GRHL1: variants seen among roughly 807,000 people sequenced by gnomAD.
The protein encoded by GRHL1 is grainyhead-like protein 1 homolog.
In GRHL1, 38 loss-of-function variants were observed where a neutral mutation model predicts 75.7. That is an observed-to-expected ratio of 0.50 (90% CI 0.39 to 0.66). The LOEUF (loss-of-function observed/expected upper bound fraction) is 0.66, where lower values mean the gene tolerates loss of function less well. Among genes scored for constraint, GRHL1 ranks in the 30% least tolerant of loss-of-function variants. GRHL1 has a pLI of 0.00. For synonymous variants in GRHL1, 266 were observed against 279.4 expected (o/e 0.95, Z 0.48); for missense variants, 589 against 767.5 (o/e 0.77, Z 2.75).
At chr2:9,976,681 G>T (rs1003145288) in intron 8 of GRHL1, among the ~76,000 whole-genome samples, 6 of 152,134 alleles carry the variant, frequency 3.9e-5, no homozygotes, top group African/African-American at 2.4e-5. Flanking sequence ...TGGGGTTGAG[G>T]CCAGATAAAG....
At chr2:9,993,056 C>A in intron 11 of GRHL1, 151 bp from the exon 12 acceptor site, 1 of 700,154 alleles carries the variant, frequency 1.4e-6, no homozygotes, top group Non-Finnish European at 2.5e-6. Flanking sequence ...GAGTTCAAGA[C>A]ATCTGTAAGA....
chr2:9,989,056 G>A (rs907921861), intron 9 of GRHL1, among the ~76,000 whole-genome samples: 1 of 152,016 alleles, frequency 6.6e-6, no homozygotes, highest in African/African-American at 2.4e-5. Context: ...AGGAGATTGG[G>A]GATATTTACC....
intron 1 of GRHL1, among the ~76,000 whole-genome samples, chr2:9,953,856 T>C (rs73913930): frequency 0.19 from 28,670 of 152,210 alleles, 3,746 homozygotes; most frequent in African/African-American, 0.37. Context: ...CTTGTTAGAA[T>C]TGTAATAATT....
At chr2:9,979,647 T>TG (rs1668111674) in intron 8 of GRHL1, among the ~76,000 whole-genome samples, 1 of 151,978 alleles carries the variant, frequency 6.6e-6, no homozygotes, top group Admixed American at 6.5e-5. Flanking sequence ...AATTTCTCAG[T>TG]GGAAAAAAAA....
intron 5 of GRHL1, among the ~76,000 whole-genome samples, chr2:9,963,337 T>A (rs986094896): frequency 8.5e-5 from 13 of 152,230 alleles, no homozygotes; most frequent in Non-Finnish European, 1.8e-4. Flanking sequence ...GGCTATGTGC[T>A]AATAAAACTT....
intron 2 of GRHL1, among the ~76,000 whole-genome samples, chr2:9,957,419 T>C (rs1667078642): frequency 6.6e-6 from 1 of 152,066 alleles, no homozygotes; most frequent in Non-Finnish European, 1.5e-5. Context: ...CAGTATTTTT[T>C]TTTTTTTTGA....
At chr2:9,977,481 C>G (rs181347047) in intron 8 of GRHL1, among the ~76,000 whole-genome samples, 3 of 152,318 alleles carry the variant, frequency 2.0e-5, no homozygotes, top group Non-Finnish European at 4.4e-5. Flanking sequence ...CCACCTCACT[C>G]AGCTAAGTTT....
intron 8 of GRHL1, among the ~76,000 whole-genome samples, chr2:9,978,837 A>G (rs1184701903): frequency 6.6e-6 from 1 of 152,062 alleles, no homozygotes; most frequent in Non-Finnish European, 1.5e-5. Flanking sequence ...CTAAAAATAC[A>G]AAGATTAGCC....
At chr2:9,956,492 C>T (rs1260820150) in intron 2 of GRHL1, among the ~76,000 whole-genome samples, 1 of 151,736 alleles carries the variant, frequency 6.6e-6, no homozygotes, top group African/African-American at 2.4e-5. Context: ...TATCACTACA[C>T]TCCAGCCTGG....
rs562269659 is a variant in GRHL1, at chr2:9,987,161, C to T, written c.1269+879C>T. ...CACCTGGCTAATTTTTGTATAGAAACAGGGTTTCGCCAGGTTGGCCAGGCT... is the reference window on the plus strand; with the variant it reads ...CACCTGGCTAATTTTTGTATAGAAATAGGGTTTCGCCAGGTTGGCCAGGCT... On this transcript the variant is annotated intron_variant, in intron 9 of 15. Transcript: ENST00000324907. This position sits in a 1 kb window ranked among gnomAD's most constrained non-coding sequence, Gnocchi z 4.2. Among the ~76,000 whole-genome samples the T allele has an allele frequency of 4.6e-5, 7 of 152,094 alleles. No homozygotes were observed. Among genetic ancestry groups the T allele is most frequent in the Admixed American group, 2.6e-4 (4 of 15,272 alleles).
chr2:9,979,346 C>T (rs116308053), intron 8 of GRHL1, among the ~76,000 whole-genome samples: 3,736 of 151,552 alleles, frequency 0.025, 69 homozygotes, highest in African/African-American at 0.045. Flanking sequence ...GCCATACTCC[C>T]GCCTTGGCCT....
Position 9,983,952 on chromosome 2 carries a change from C to T in GRHL1, c.1111-2172C>T, listed in dbSNP as rs535906679. On this transcript the variant is annotated intron_variant, in intron 8 of 15. Coordinates refer to ENST00000324907, the MANE Select transcript of GRHL1 (RefSeq NM_198182.3). ...TGGGCGGATCATGAGGTCAGGAGTT[C>T]GAGACCAGCCTGGCCAATATAGTGA... is the stretch of plus-strand genomic sequence containing the variant. Among the ~76,000 whole-genome samples the T allele has an allele frequency of 2.1e-3, 312 of 151,782 alleles. 3 individuals carry two copies. Among genetic ancestry groups the T allele is most frequent in the Non-Finnish European group, 3.4e-3 (232 of 67,934 alleles).
Position 10,000,654 on chromosome 2 carries a change from C to A in GRHL1, c.1804C>A (p.Leu602Met). ...KHYSNEDTFQLQIEEAGGSYK... is the reference protein window; with the variant it reads ...KHYSNEDTFQMQIEEAGGSYK... Reference sequence around the variant, plus strand: ...TTACTCCAATGAGGACACCTTCCAGCTGCAGATTGAAGAAGCCGGGGGGTC... The same window carrying A: ...TTACTCCAATGAGGACACCTTCCAGATGCAGATTGAAGAAGCCGGGGGGTC... The change falls in exon 16 of 16, where the codon CTG becomes ATG. Residue 602 changes from leucine to methionine, a missense_variant. Physicochemically the swap from Leu to Met is conservative, Grantham distance 15. Around this residue, in one of 5 missense-constraint regions of GRHL1, gnomAD observed 192 missense variants for 226.6 expected, o/e 0.85. Coordinates refer to ENST00000324907, the MANE Select transcript of GRHL1 (RefSeq NM_198182.3). 6.2e-7 allele frequency: 1 copy of A among 1,613,432 alleles called. No individual in the cohort carries two copies. The highest frequency in any genetic ancestry group is 8.5e-7 in the Non-Finnish European group (1 of 1,179,446).
intron 4 of GRHL1, among the ~76,000 whole-genome samples, chr2:9,961,983 T>C (rs1667299660): frequency 6.6e-6 from 1 of 152,058 alleles, no homozygotes; most frequent in Non-Finnish European, 1.5e-5. Flanking sequence ...CTTAGTGACT[T>C]GGTGGGGTAA....
At position 9,995,953 on chromosome 2, in the gene GRHL1, T is replaced by G; in HGVS notation, c.1574T>G (p.Ile525Arg). 1 of 1,604,748 alleles carries G rather than the reference T, an allele frequency of 6.2e-7. No individual in the cohort carries two copies. Among genetic ancestry groups the G allele is most frequent in the Non-Finnish European group, 8.5e-7 (1 of 1,171,346 alleles). The change falls in exon 13 of 16, where the codon ATA becomes AGA. Residue 525 changes from isoleucine (I) to arginine (R), a missense_variant. This residue lies in a region of GRHL1 where 192 missense variants were observed against 226.6 expected (regional missense o/e 0.85). Coordinates refer to ENST00000324907, the MANE Select transcript of GRHL1 (RefSeq NM_198182.3). ...AVPPSTKLAR[I>R]EEPKRVLLYV... ...CCTCCTTCTACCAAGCTGGCCCGGA[T>G]AGAAGAACCAAAGAGAGGTGTGTTC...
chr2:9,988,473 AC>A (rs934818071), intron 9 of GRHL1, among the ~76,000 whole-genome samples: 1 of 150,918 alleles, frequency 6.6e-6, no homozygotes, highest in Non-Finnish European at 1.5e-5. Flanking sequence ...CCCAACCCTG[AC>A]CCCCAGCCTT....
In GRHL1 at chr2:9,990,916, G is replaced by GCAC. The variant is rs1406838001; in HGVS notation, c.1321+169_1321+170insCAC. Reference sequence around the variant, plus strand: ...CTGCCTCTTCCTCAGATCAGCAGCAGATGCCAGCTCAGCGGGAGGGGTTTT... The same window carrying GCAC: ...CTGCCTCTTCCTCAGATCAGCAGCAGCACATGCCAGCTCAGCGGGAGGGGTTTT... On this transcript the variant is annotated intron_variant, in intron 10 of 15. Transcript: ENST00000324907. The surrounding 1 kb of genome is among the most constrained non-coding windows in gnomAD (Gnocchi z 4.2). The GCAC allele has an allele frequency of 1.7e-5, 9 of 537,466 alleles. No individual in the cohort carries two copies. The highest frequency in any genetic ancestry group is 3.0e-5 in the Non-Finnish European group (9 of 297,604). 33.3% of individuals were successfully genotyped at this position (537,466 alleles called of 1,614,324 possible).
intron 8 of GRHL1, among the ~76,000 whole-genome samples, chr2:9,980,085 C>T (rs1048528059): frequency 6.6e-6 from 1 of 151,770 alleles, no homozygotes; most frequent in Non-Finnish European, 1.5e-5. Flanking sequence ...AATTGATTCT[C>T]AGTTACTTTC....
chr2:9,986,048 A>G (rs1668403571), intron 8 of GRHL1, 76 bp from the exon 9 acceptor site: 1 of 922,826 alleles, frequency 1.1e-6, no homozygotes, highest in African/African-American at 1.7e-5. Context: ...AATTTCAGTG[A>G]TGTTAATATT....
Sources: gnomAD v4.1 joint callset for allele counts (sites outside exome capture counted in the v4.1 genomes callset) on GRCh38, gnomAD v4.1.1 for gene constraint, gnomAD v4.1.1 regional missense constraint, Gnocchi (gnomAD v3.1) non-coding constraint, MANE v1.5 for transcripts, NCBI Gene and HGNC (gene_info 2026-07-23, HGNC 2026-07-21) for gene names.